Variants in SNTG1 observed in about 807,000 individuals in gnomAD.
SNTG1 encodes gamma-1-syntrophin.
SNTG1 carries 39 observed loss-of-function variants against 74.7 expected under a neutral mutation model. That is an observed-to-expected ratio of 0.52 (90% CI 0.40 to 0.68). SNTG1 has a LOEUF of 0.68. Among genes scored for constraint, SNTG1 ranks in the 30% least tolerant of loss-of-function variants. The probability of loss-of-function intolerance (pLI) is 0.00; values close to 1 mark genes in which losing one functional copy is unlikely to be tolerated. For missense variants in SNTG1, 685 were observed against 609.5 expected (o/e 1.12, Z -1.30); for synonymous variants, 254 against 217.1 (o/e 1.17, Z -1.49).
chr8:49,948,880 G>T lies in SNTG1; in HGVS notation c.-103+36649G>T, dbSNP rs189841041. Among the ~76,000 whole-genome samples the T allele has an allele frequency of 3.0e-3, 458 of 152,272 alleles. 2 individuals carry two copies. The highest frequency in any genetic ancestry group is 4.4e-3 in the Non-Finnish European group (302 of 68,020). ...AATTCCTAAGAGCCCCCGGGCTCAC[G>T]GCATGGAGAGGCCCAGTCCACCTTT... On this transcript the variant is annotated intron_variant, in intron 1 of 18. Transcript: ENST00000642720.
intron 2 of SNTG1, among the ~76,000 whole-genome samples, chr8:50,371,977 G>A (rs2131156264): frequency 6.6e-6 from 1 of 152,070 alleles, no homozygotes; most frequent in East Asian, 1.9e-4. Flanking sequence ...AATCCATTCA[G>A]CCACTCTGTC....
intron 18 of SNTG1, among the ~76,000 whole-genome samples, chr8:50,754,102 T>A (rs934804319): frequency 1.3e-5 from 2 of 151,950 alleles, no homozygotes; most frequent in Admixed American, 1.3e-4. Context: ...TCTATAACCA[T>A]GACTTGTGAG....
chr8:50,565,442 T>G (rs2094511070), intron 12 of SNTG1, among the ~76,000 whole-genome samples: 1 of 152,102 alleles, frequency 6.6e-6, no homozygotes, highest in South Asian at 2.1e-4. Context: ...ATGGCAACTC[T>G]GTTCTATAAC....
intron 13 of SNTG1, among the ~76,000 whole-genome samples, chr8:50,653,168 G>T (rs1410890981): frequency 1.3e-5 from 2 of 151,746 alleles, no homozygotes; most frequent in Non-Finnish European, 2.9e-5. Context: ...AAGAAGCGAG[G>T]CATGATGGGT....
intron 2 of SNTG1, among the ~76,000 whole-genome samples, chr8:50,223,100 C>T (rs1391728215): frequency 1.3e-5 from 2 of 151,978 alleles, no homozygotes; most frequent in East Asian, 3.9e-4. Context: ...CCAGGACCAA[C>T]TCAAAATAAA....
intron 2 of SNTG1, among the ~76,000 whole-genome samples, chr8:50,177,549 G>A (rs1654797678): frequency 6.6e-6 from 1 of 152,152 alleles, no homozygotes; most frequent in Admixed American, 6.5e-5. Flanking sequence ...CAGAGACCCT[G>A]GTTTGCTCAG....
chr8:50,059,625 C>T (rs1284993455), intron 1 of SNTG1, among the ~76,000 whole-genome samples: 1 of 152,032 alleles, frequency 6.6e-6, no homozygotes. Context: ...ACTTCTTTCA[C>T]TTAGCATAAT....
At chr8:50,052,392 G>A (rs1819652791) in intron 1 of SNTG1, among the ~76,000 whole-genome samples, 1 of 152,054 alleles carries the variant, frequency 6.6e-6, no homozygotes. Context: ...AATTAAGTTG[G>A]ATGCCTAATT....
chr8:50,635,947 T>G (rs911534753), intron 13 of SNTG1, among the ~76,000 whole-genome samples: 4 of 152,076 alleles, frequency 2.6e-5, no homozygotes, highest in African/African-American at 9.7e-5. Flanking sequence ...CAGTGAGCTC[T>G]GCCTGGGTAT....
chr8:50,794,549 A>G lies in SNTG1; in HGVS notation c.*1720A>G, dbSNP rs1320305000. The G allele has an allele frequency of 6.6e-6, 1 of 152,032 alleles. No homozygotes were observed. The highest frequency in any genetic ancestry group is 1.5e-5 in the Non-Finnish European group (1 of 67,950). The allele number at this position is 152,032 out of a possible 1,614,324, so 9.4% of individuals were successfully genotyped here. A position where few individuals can be genotyped will look rare whatever the true frequency, so the allele number is the denominator to read the frequency against. Reference sequence around the variant, plus strand: ...GTAATTAGGATAGAACTTTAGAATTATTGCACACTATATTGATCAAATACA... The same window carrying G: ...GTAATTAGGATAGAACTTTAGAATTGTTGCACACTATATTGATCAAATACA... On this transcript the variant is annotated 3_prime_UTR_variant, in exon 19 of 19. Transcript: ENST00000642720.
At chr8:50,317,131 T>C (rs575727171) in intron 2 of SNTG1, among the ~76,000 whole-genome samples, 1 of 152,266 alleles carries the variant, frequency 6.6e-6, no homozygotes, top group African/African-American at 2.4e-5. Context: ...GGGGATTATT[T>C]CCTTTAAGAG....
chr8:50,196,823 A>T (rs1215652865), intron 2 of SNTG1, among the ~76,000 whole-genome samples: 7 of 151,704 alleles, frequency 4.6e-5, no homozygotes, highest in Non-Finnish European at 1.5e-5. Context: ...AAACAAAAAA[A>T]ACCCAAAACC....
rs528328666 is a variant in SNTG1, at chr8:50,464,732, CTG to C, written c.363+14005_363+14006del. Among the ~76,000 whole-genome samples the C allele has an allele frequency of 8.6e-4, 130 of 151,978 alleles. 2 individuals are homozygous for C. The Middle Eastern group carries it at 0.01, about 12-fold the overall frequency. On this transcript the variant is annotated intron_variant, in intron 8 of 18. Transcript: ENST00000642720. Reference sequence around the variant, plus strand: ...CTAGCCTGGGTGACAGAGTGGAACTCTGTCTCAAAAAACAAACAAACAAACAA... The same window carrying C: ...CTAGCCTGGGTGACAGAGTGGAACTCTCTCAAAAAACAAACAAACAAACAA...
intron 1 of SNTG1, among the ~76,000 whole-genome samples, chr8:49,986,483 G>C (rs745474683): frequency 1.3e-5 from 2 of 152,100 alleles, no homozygotes; most frequent in Non-Finnish European, 2.9e-5. Flanking sequence ...AATTTCTTGT[G>C]TTGCCAATTT....
intron 1 of SNTG1, among the ~76,000 whole-genome samples, chr8:50,157,071 T>C (rs2082276848): frequency 6.6e-6 from 1 of 152,114 alleles, no homozygotes; most frequent in Non-Finnish European, 1.5e-5. Context: ...TGATTGCTAC[T>C]CAGCAATACA....
intron 2 of SNTG1, among the ~76,000 whole-genome samples, chr8:50,315,656 A>T (rs2090287767): frequency 7.1e-6 from 1 of 141,636 alleles, no homozygotes; most frequent in Non-Finnish European, 1.5e-5. Flanking sequence ...TACTTCAAGT[A>T]TGTAGTGATT....
chr8:50,135,351 T>C (rs2131426870), intron 1 of SNTG1, among the ~76,000 whole-genome samples: 1 of 152,260 alleles, frequency 6.6e-6, no homozygotes, highest in African/African-American at 2.4e-5. Flanking sequence ...AAAAGTAAAA[T>C]ATTACATAAG....
intron 2 of SNTG1, among the ~76,000 whole-genome samples, chr8:50,326,369 A>G (rs1056293935): frequency 1.3e-5 from 2 of 152,124 alleles, no homozygotes; most frequent in Middle Eastern, 3.4e-3. Context: ...TTTCTTTTAT[A>G]GATATAGGAC....
intron 9 of SNTG1, 87 bp downstream of exon 9, chr8:50,502,967 T>C (rs1051929328): frequency 8.6e-7 from 1 of 1,156,956 alleles, no homozygotes; most frequent in Non-Finnish European, 1.2e-6. Flanking sequence ...GATTTCTTCT[T>C]AAAGTTGAGA....
Sources: allele counts gnomAD v4.1 joint callset (sites outside exome capture counted in the v4.1 genomes callset), GRCh38; gene constraint gnomAD v4.1.1; transcripts MANE v1.5; gene names NCBI Gene and HGNC (gene_info 2026-07-23, HGNC 2026-07-21).